Variants in PAN3 observed in about 807,000 individuals in gnomAD.
PAN3 encodes PAN2-PAN3 deadenylation complex subunit PAN3.
PAN3 carries 19 observed loss-of-function variants against 96.2 expected under a neutral mutation model. The observed-to-expected ratio is 0.20, with a 90% CI of 0.14 to 0.29. The LOEUF (loss-of-function observed/expected upper bound fraction) is 0.29. Ranked by LOEUF, PAN3 falls within the 10% of genes least tolerant of loss-of-function variation. PAN3 has a pLI of 1.00. For synonymous variants in PAN3, 433 were observed against 406.6 expected (o/e 1.06, Z -0.78); for missense variants, 882 against 1,108.1 (o/e 0.80, Z 2.90).
chr13:28,248,985 T>G lies in PAN3; in HGVS notation c.1001-7307T>G, dbSNP rs9805710. Among the ~76,000 whole-genome samples, 1,297 of 152,362 alleles carry G rather than the reference T, an allele frequency of 8.5e-3. 9 individuals carry two copies. Among genetic ancestry groups the G allele is most frequent in the Non-Finnish European group, 0.014 (986 of 68,038 alleles). On this transcript the variant is annotated intron_variant, in intron 6 of 18. Coordinates refer to ENST00000380958, the MANE Select transcript of PAN3 (RefSeq NM_175854.8). Reference sequence around the variant, plus strand: ...CTGACCATTGCATGTTAGACCTTTATTAAATATATGATTTGCAAATATTTT... The same window carrying G: ...CTGACCATTGCATGTTAGACCTTTAGTAAATATATGATTTGCAAATATTTT...
At chr13:28,258,603 G>A (rs1370390530) in intron 7 of PAN3, among the ~76,000 whole-genome samples, 1 of 152,180 alleles carries the variant, frequency 6.6e-6, no homozygotes, top group East Asian at 1.9e-4. Context: ...GCCTGTGAAA[G>A]GGGAAATTCT....
intron 1 of PAN3, among the ~76,000 whole-genome samples, chr13:28,152,058 C>T (rs1008222932): frequency 6.6e-6 from 1 of 152,090 alleles, no homozygotes; most frequent in Non-Finnish European, 1.5e-5. Flanking sequence ...AGGCTATTTT[C>T]TTTTTCTTAG....
intron 9 of PAN3, among the ~76,000 whole-genome samples, chr13:28,264,683 GCT>G (rs776586082): frequency 2.6e-5 from 4 of 152,090 alleles, no homozygotes; most frequent in Non-Finnish European, 5.9e-5. Flanking sequence ...CTTGGGAATT[GCT>G]CTGTTCTTTG....
rs140088529 is a variant in PAN3, at chr13:28,190,229, G to A, written c.691-6956G>A. On this transcript the variant is annotated intron_variant, in intron 4 of 18. Transcript: ENST00000380958. ...CAAAGTGCTGGGATTACAGACGTGA[G>A]CCACCTCACCTGGCCAATTTGTTTG... Among the ~76,000 whole-genome samples, 609 of 152,328 alleles carry A rather than the reference G, an allele frequency of 4.0e-3. 7 individuals are homozygous for A. Among genetic ancestry groups the A allele is most frequent in the African/African-American group, 0.014 (581 of 41,568 alleles).
intron 1 of PAN3, among the ~76,000 whole-genome samples, chr13:28,172,648 C>T (rs73446927): frequency 0.038 from 5,742 of 152,120 alleles, 335 homozygotes; most frequent in African/African-American, 0.13. Flanking sequence ...TAAACATATC[C>T]TGGACATTAG....
intron 6 of PAN3, among the ~76,000 whole-genome samples, chr13:28,231,022 T>C (rs946734888): frequency 6.6e-6 from 1 of 152,216 alleles, no homozygotes; most frequent in African/African-American, 2.4e-5. Flanking sequence ...TCATTTTAGA[T>C]CATTTGGCCA....
intron 14 of PAN3, 112 bp from the exon 15 acceptor site, chr13:28,277,125 T>C: frequency 2.7e-6 from 3 of 1,091,940 alleles, no homozygotes; most frequent in Non-Finnish European, 3.9e-6. Flanking sequence ...TTGAGGACCC[T>C]GCCTGCAGCT....
At chr13:28,241,312 T>C (rs1226435123) in intron 6 of PAN3, among the ~76,000 whole-genome samples, 2 of 152,254 alleles carry the variant, frequency 1.3e-5, no homozygotes, top group Non-Finnish European at 2.9e-5. Flanking sequence ...AACAGAAGGC[T>C]GTACTTGCAT....
chr13:28,255,809 C>A, intron 6 of PAN3, among the ~76,000 whole-genome samples: 1 of 151,220 alleles, frequency 6.6e-6, no homozygotes. Context: ...AATCTAGTAG[C>A]TCTTCATTAG....
At chr13:28,290,385 A>C (rs1869597908) in intron 18 of PAN3, among the ~76,000 whole-genome samples, 2 of 152,192 alleles carry the variant, frequency 1.3e-5, no homozygotes, top group African/African-American at 2.4e-5. Flanking sequence ...ACCTACATTA[A>C]GACTGCACAA....
chr13:28,259,905 T>C (rs1885552754), intron 7 of PAN3, among the ~76,000 whole-genome samples: 1 of 152,058 alleles, frequency 6.6e-6, no homozygotes, highest in African/African-American at 2.4e-5. Flanking sequence ...CCCAGAGTGC[T>C]GGGATTACAG....
At position 28,260,430 on chromosome 13, in the gene PAN3, C is replaced by T. The variant is rs1199578424; in HGVS notation, c.1249-17C>T. The T allele has an allele frequency of 3.9e-6, 6 of 1,556,830 alleles. No individual in the cohort carries two copies. The highest frequency in any genetic ancestry group is 1.1e-5 in the South Asian group (1 of 89,830). On this transcript the variant is annotated splice_polypyrimidine_tract_variant and intron_variant, in intron 7 of 18. Transcript: ENST00000380958. ...GAAAAATGAGTGATTACATTTACCC[C>T]CTTCCTACCTTTTTAGGTGTTTCCA...
At chr13:28,215,233 G>T in intron 5 of PAN3, 1 of 712,066 alleles carries the variant, frequency 1.4e-6, no homozygotes, top group Non-Finnish European at 2.6e-6. Flanking sequence ...CCACTAGCTT[G>T]TCCAACTGAC....
chr13:28,167,890 A>G (rs1469806033), intron 1 of PAN3, among the ~76,000 whole-genome samples: 1 of 152,192 alleles, frequency 6.6e-6, no homozygotes, highest in East Asian at 1.9e-4. Context: ...ACATATTACT[A>G]TAAGCAATTA....
At chr13:28,220,400 A>G (rs113348964) in intron 6 of PAN3, 22 bp downstream of exon 6, 1 of 1,610,414 alleles carries the variant, frequency 6.2e-7, no homozygotes, top group Non-Finnish European at 8.5e-7. Context: ...AACTATTTCC[A>G]GTGAGTTCCA....
intron 16 of PAN3, 85 bp from the exon 17 acceptor site, chr13:28,281,230 C>A: frequency 1.0e-6 from 1 of 968,982 alleles, no homozygotes; most frequent in Non-Finnish European, 1.6e-6. Context: ...AATATTGGTA[C>A]AGGTTACCAG....
At chr13:28,190,475 T>C (rs1435138334) in intron 4 of PAN3, among the ~76,000 whole-genome samples, 1 of 152,128 alleles carries the variant, frequency 6.6e-6, no homozygotes, top group Non-Finnish European at 1.5e-5. Context: ...CCCAGGTTGG[T>C]CCTTGAACTC....
intron 6 of PAN3, among the ~76,000 whole-genome samples, chr13:28,251,328 T>C (rs1353393644): frequency 6.6e-6 from 1 of 152,264 alleles, no homozygotes; most frequent in Non-Finnish European, 1.5e-5. Context: ...TGCTCGTTCT[T>C]ATGAGTTCTT....
intron 6 of PAN3, among the ~76,000 whole-genome samples, chr13:28,225,011 T>C (rs1170918384): frequency 6.6e-6 from 1 of 152,190 alleles, no homozygotes; most frequent in East Asian, 1.9e-4. Flanking sequence ...TAAATAATTG[T>C]ATTCATTTAT....
Sources: allele counts gnomAD v4.1 joint callset (sites outside exome capture counted in the v4.1 genomes callset), GRCh38; gene constraint gnomAD v4.1.1; transcripts MANE v1.5; gene names NCBI Gene and HGNC (gene_info 2026-07-23, HGNC 2026-07-21).